Variants in OVOL1 observed in about 807,000 individuals in gnomAD.
OVOL1 encodes the protein putative transcription factor Ovo-like 1.
A neutral mutation model predicts 21.5 loss-of-function variants in OVOL1; 10 were observed. The ratio of observed to expected loss-of-function variants is 0.46; its 90% confidence interval spans 0.29 to 0.79. The LOEUF (loss-of-function observed/expected upper bound fraction) is 0.79. Ranked by LOEUF, OVOL1 falls within the 30% of genes least tolerant of loss-of-function variation. The pLI, the probability that OVOL1 is intolerant of heterozygous loss-of-function variation, is 0.10. For synonymous variants in OVOL1, 129 were observed against 150.3 expected, an observed-to-expected ratio of 0.86 and a Z score of 1.03; for missense variants, 279 against 362.3, an observed-to-expected ratio of 0.77 and a Z score of 1.87.
Position 65,795,128 on chromosome 11 carries a change from T to C in OVOL1, c.591T>C (p.His197=), listed in dbSNP as rs1279485303. 3 of 1,613,580 alleles carry C rather than the reference T, an allele frequency of 1.9e-6. No individual in the cohort carries two copies. The highest frequency in any genetic ancestry group is 1.3e-5 in the African/African-American group (1 of 74,850). The stretch of plus-strand genomic sequence containing the variant: ...TGGAGTCTCACCTCAAGAAGATCCA[T>C]GGTGTGCAGCAGAAGTACGCGTACA... The part of the protein sequence containing the change: ...CSLESHLKKI[H]GVQQKYAYKE... The change falls in exon 4 of 4, where the codon CAT becomes CAC. Residue 197 remains histidine, a synonymous_variant. Coordinates refer to ENST00000335987, the MANE Select transcript of OVOL1 (RefSeq NM_004561.4). The surrounding 1 kb of genome is among the most constrained non-coding windows in gnomAD (Gnocchi z 5.7).
chr11:65,795,576 G>C lies in OVOL1; in HGVS notation c.*235G>C, dbSNP rs1370203201. 8.5e-6 allele frequency: 5 copies of C among 588,774 alleles called. No individual in the cohort carries two copies. The Admixed American group carries it at 1.5e-4, about 18-fold the overall frequency. 36.5% of individuals were successfully genotyped at this position (588,774 alleles called of 1,614,324 possible). ...GCCGAGGCTGTTCTGAGCCTGGGAA[G>C]ATGTACCTATGTCAAGAGAAGGGAT... is the stretch of plus-strand genomic sequence containing the variant. On this transcript the variant is annotated 3_prime_UTR_variant, in exon 4 of 4. Coordinates refer to ENST00000335987, the MANE Select transcript of OVOL1 (RefSeq NM_004561.4). This position sits in a 1 kb window ranked among gnomAD's most constrained non-coding sequence, Gnocchi z 5.7.
chr11:65,791,494 G>C (rs1423833264), intron 1 of OVOL1, among the ~76,000 whole-genome samples: 1 of 152,230 alleles, frequency 6.6e-6, no homozygotes, highest in Non-Finnish European at 1.5e-5. Context: ...CTCATGCCCA[G>C]CCCTGTCCTG....
At chr11:65,794,776 G>A (rs774344980) in intron 3 of OVOL1, 49 bp downstream of exon 3, 23 of 1,573,588 alleles carry the variant, frequency 1.5e-5, no homozygotes, top group Middle Eastern at 3.3e-4. Context: ...CCGCCTGGCC[G>A]CGGCCGTGCG....
chr11:65,794,163 T>C lies in OVOL1; in HGVS notation c.233T>C (p.Val78Ala). Residue 78 changes from valine to alanine, a missense_variant, in exon 2 of 4, where the codon GTG becomes GCG. By Grantham distance (64) the Val-to-Ala change is moderately conservative (BLOSUM62 0). Coordinates refer to ENST00000335987, the MANE Select transcript of OVOL1 (RefSeq NM_004561.4). Reference protein sequence around the residue: ...SSYSMAPGPCVVAQLPSEDMG... With the variant: ...SSYSMAPGPCAVAQLPSEDMG... ...TACAGCATGGCCCCCGGGCCCTGTG[T>C]GGTGGCCCAGCTGCCCTCTGAAGAC... 6.2e-7 allele frequency: 1 copy of C among 1,613,740 alleles called. No homozygotes were observed. The highest frequency in any genetic ancestry group is 8.5e-7 in the Non-Finnish European group (1 of 1,179,986).
Position 65,795,150 on chromosome 11 carries a change from T to C in OVOL1, c.613T>C (p.Tyr205His). The C allele has an allele frequency of 1.9e-6, 3 of 1,613,828 alleles. No individual in the cohort carries two copies. The highest frequency in any genetic ancestry group is 1.1e-5 in the South Asian group (1 of 91,076). Residue 205 changes from tyrosine to histidine, a missense_variant, in exon 4 of 4, where the codon TAC (tyrosine) becomes CAC (histidine). Tyr to His is a moderately conservative substitution (Grantham distance 83). Coordinates refer to ENST00000335987, the MANE Select transcript of OVOL1 (RefSeq NM_004561.4). The surrounding 1 kb of genome is among the most constrained non-coding windows in gnomAD (Gnocchi z 5.7). ...CCATGGTGTGCAGCAGAAGTACGCG[T>C]ACAAGGAGCGGCGGGCCAAGCTGTA... ...KIHGVQQKYA[Y>H]KERRAKLYVC...
In OVOL1 at chr11:65,795,287, C is replaced by G. The variant is rs376114222; in HGVS notation, c.750C>G (p.Ala250=). 1.9e-6 allele frequency: 3 copies of G among 1,612,660 alleles called. No individual in the cohort carries two copies. The highest frequency in any genetic ancestry group is 3.3e-5 in the Admixed American group (2 of 59,912). The stretch of plus-strand genomic sequence containing the variant: ...TGCGCAAGACCTCCAAGAAGGTGGC[C>G]GTGGCACTACAGAACACTGTCACTT... ...PLLRKTSKKV[A]VALQNTVTSL... The change falls in exon 4 of 4, where the codon GCC becomes GCG. Residue 250 remains alanine, a synonymous_variant. Transcript: ENST00000335987. The surrounding 1 kb of genome is among the most constrained non-coding windows in gnomAD (Gnocchi z 5.7).
At chr11:65,788,263 A>T (rs1466785790) in intron 1 of OVOL1, among the ~76,000 whole-genome samples, 1 of 152,206 alleles carries the variant, frequency 6.6e-6, no homozygotes, top group Non-Finnish European at 1.5e-5. Flanking sequence ...TATTTTTGGC[A>T]GACGCCTAGA....
At chr11:65,794,401 G>A in intron 2 of OVOL1, 137 bp from the exon 3 acceptor site, 6 of 1,080,446 alleles carry the variant, frequency 5.6e-6, no homozygotes, top group Non-Finnish European at 6.8e-6. Flanking sequence ...CGGGCAGACG[G>A]CACAGAGCTG....
At chr11:65,794,333 G>A in intron 2 of OVOL1, 85 bp downstream of exon 2, 11 of 1,333,918 alleles carry the variant, frequency 8.2e-6, no homozygotes, top group Non-Finnish European at 1.2e-5. Flanking sequence ...CAAATGAGAT[G>A]TAGGCAGAGA....
chr11:65,788,231 C>T (rs1365925448), intron 1 of OVOL1, among the ~76,000 whole-genome samples: 2 of 152,232 alleles, frequency 1.3e-5, no homozygotes, highest in African/African-American at 2.4e-5. Context: ...GGGCCAGGCC[C>T]GGGGAAGCTG....
chr11:65,788,347 C>G (rs1482231684), intron 1 of OVOL1: 1 of 433,332 alleles, frequency 2.3e-6, no homozygotes, highest in South Asian at 9.6e-5. Flanking sequence ...ACTCCTACCC[C>G]TTCTGTCCTC....
intron 1 of OVOL1, among the ~76,000 whole-genome samples, chr11:65,791,124 A>G (rs1346576157): frequency 1.3e-5 from 2 of 152,144 alleles, no homozygotes; most frequent in African/African-American, 4.8e-5. Flanking sequence ...GGAAAGAGGG[A>G]AAATACACTG....
At chr11:65,794,849 C>A in intron 3 of OVOL1, 122 bp downstream of exon 3, 2 of 1,107,026 alleles carry the variant, frequency 1.8e-6, no homozygotes, top group South Asian at 1.4e-5. Flanking sequence ...CATCCCGGAG[C>A]TCAGGGCCAA....
At chr11:65,792,918 G>T (rs982165900) in intron 1 of OVOL1, among the ~76,000 whole-genome samples, 1 of 152,230 alleles carries the variant, frequency 6.6e-6, no homozygotes, top group African/African-American at 2.4e-5. Flanking sequence ...TCTCTGTCTC[G>T]CCGGCTGTGG....
intron 1 of OVOL1, among the ~76,000 whole-genome samples, chr11:65,792,632 G>A (rs1471537961): frequency 6.6e-6 from 1 of 152,232 alleles, no homozygotes; most frequent in Non-Finnish European, 1.5e-5. Flanking sequence ...GCCAGGCGCT[G>A]GTGAATCAAC....
At position 65,787,356 on chromosome 11, in the gene OVOL1, A is replaced by C. The variant is rs1261764844; in HGVS notation, c.-18A>C. 3 of 1,561,346 alleles carry C rather than the reference A, an allele frequency of 1.9e-6. No individual in the cohort carries two copies. Among genetic ancestry groups the C allele is most frequent in the Non-Finnish European group, 2.6e-6 (3 of 1,152,712 alleles). On this transcript the variant is annotated 5_prime_UTR_variant, in exon 1 of 4. Coordinates refer to ENST00000335987, the MANE Select transcript of OVOL1 (RefSeq NM_004561.4). ...TCAGTTACGGAAGCGGCCCGTGTCC[A>C]GCGACGAGGGTTCGAAAATGCCCCG...
chr11:65,788,032 T>G (rs1197699756), intron 1 of OVOL1, among the ~76,000 whole-genome samples: 1 of 151,938 alleles, frequency 6.6e-6, no homozygotes, highest in Non-Finnish European at 1.5e-5. Flanking sequence ...GCCCCCAAAT[T>G]TTCGTTGGGC....
At position 65,795,554 on chromosome 11, in the gene OVOL1, G is replaced by A. The variant is rs969715131; in HGVS notation, c.*213G>A. 26 of 598,338 alleles carry A rather than the reference G, an allele frequency of 4.3e-5. No individual in the cohort carries two copies. Among genetic ancestry groups the A allele is most frequent in the Middle Eastern group, 4.5e-4 (1 of 2,246 alleles). 37.1% of individuals were successfully genotyped at this position (598,338 alleles called of 1,614,324 possible). The stretch of plus-strand genomic sequence containing the variant: ...TTTTTGCATTTTTGACTTATGGGCC[G>A]AGGCTGTTCTGAGCCTGGGAAGATG... On this transcript the variant is annotated 3_prime_UTR_variant, in exon 4 of 4. Coordinates refer to ENST00000335987, the MANE Select transcript of OVOL1 (RefSeq NM_004561.4). The surrounding 1 kb of genome is among the most constrained non-coding windows in gnomAD (Gnocchi z 5.7).
Position 65,794,061 on chromosome 11 carries a change from A to G in OVOL1, c.131A>G (p.Tyr44Cys), listed in dbSNP as rs781648179. 4.3e-6 allele frequency: 7 copies of G among 1,613,968 alleles called. No homozygotes were observed. In the South Asian group the frequency reaches 5.5e-5, roughly 13 times the overall value. ...VSLGFCPPQP[Y>C]REPEPSVAEP... The stretch of plus-strand genomic sequence containing the variant: ...CTGGGCTTCTGCCCACCACAGCCCT[A>G]CCGGGAGCCGGAACCCTCTGTGGCC... The change falls in exon 2 of 4, where the codon TAC becomes TGC. Residue 44 changes from tyrosine to cysteine, a missense_variant. Transcript: ENST00000335987.
Sources: gnomAD v4.1 joint callset for allele counts (sites outside exome capture counted in the v4.1 genomes callset) on GRCh38, gnomAD v4.1.1 for gene constraint, Gnocchi (gnomAD v3.1) non-coding constraint, MANE v1.5 for transcripts, NCBI Gene and HGNC (gene_info 2026-07-23, HGNC 2026-07-21) for gene names.